Variants in CLSTN1 observed in about 807,000 individuals in gnomAD.
The protein encoded by CLSTN1 is calsyntenin-1.
In CLSTN1, 28 loss-of-function variants were observed where a neutral mutation model predicts 108.3. The ratio of observed to expected loss-of-function variants is 0.26; its 90% CI spans 0.19 to 0.35. The LOEUF is 0.35. CLSTN1 is among the 10% of genes least tolerant of loss of function. The probability of loss-of-function intolerance (pLI) is 1.00; values close to 1 mark genes in which losing one functional copy is unlikely to be tolerated. For synonymous variants in CLSTN1, 524 were observed against 534.9 expected (o/e 0.98, Z 0.28); for missense variants, 1,157 against 1,302.6 (o/e 0.89, Z 1.72).
At chr1:9,799,954 A>C (rs1282261592) in intron 1 of CLSTN1, among the ~76,000 whole-genome samples, 1 of 152,188 alleles carries the variant, frequency 6.6e-6, no homozygotes, top group Non-Finnish European at 1.5e-5. Flanking sequence ...ATAAACAAAC[A>C]AACAAAAAAC....
chr1:9,784,204 G>A lies in CLSTN1; in HGVS notation c.92-10810C>T, dbSNP rs146557267. On this transcript the variant is annotated intron_variant, in intron 1 of 18. Coordinates refer to ENST00000377298, the MANE Select transcript of CLSTN1 (RefSeq NM_001009566.3). ...AAAAAAAAAAAAAAATTAACCAAGC[G>A]TGGTGGCATGCACCTGTAACCCCAG... Among the ~76,000 whole-genome samples the A allele has an allele frequency of 5.2e-3, 788 of 151,282 alleles. 3 individuals carry two copies. The highest frequency in any genetic ancestry group is 0.017 in the African/African-American group (709 of 41,218).
chr1:9,731,172 C>T, intron 18 of CLSTN1, 34 bp downstream of exon 18: 1 of 1,613,432 alleles, frequency 6.2e-7, no homozygotes, highest in Non-Finnish European at 8.5e-7. Context: ...CCTGTGCTGC[C>T]TCTCAGTCCT....
chr1:9,768,844 G>T (rs1213845358), intron 2 of CLSTN1, among the ~76,000 whole-genome samples: 1 of 150,240 alleles, frequency 6.7e-6, no homozygotes, highest in Non-Finnish European at 1.5e-5. Flanking sequence ...GTGGCACCAC[G>T]GGGGTGGGGT....
At chr1:9,740,976 A>G in intron 10 of CLSTN1, 118 bp downstream of exon 10, 1 of 1,155,006 alleles carries the variant, frequency 8.7e-7, no homozygotes, top group East Asian at 2.4e-5. Flanking sequence ...AAATGGAAGG[A>G]AAAGATCCAG....
At chr1:9,741,387 A>G (rs921190043) in intron 9 of CLSTN1, 131 bp from the exon 10 acceptor site, 1 of 821,834 alleles carries the variant, frequency 1.2e-6, no homozygotes, top group Non-Finnish European at 1.9e-6. Context: ...TAACCACAAA[A>G]TATCTGCAAA....
intron 1 of CLSTN1, among the ~76,000 whole-genome samples, chr1:9,790,861 C>T (rs779213132): frequency 6.6e-6 from 1 of 150,946 alleles, no homozygotes; most frequent in African/African-American, 2.4e-5. Flanking sequence ...GGGCCGGGCG[C>T]GGCGGCTCAC....
At chr1:9,764,175 C>G (rs768411127) in intron 2 of CLSTN1, among the ~76,000 whole-genome samples, 10 of 151,876 alleles carry the variant, frequency 6.6e-5, no homozygotes, top group Non-Finnish European at 1.2e-4. Flanking sequence ...CAACCACAGG[C>G]TCTTTTTAGC....
At position 9,766,324 on chromosome 1, in the gene CLSTN1, A is replaced by G. The variant is rs1652330146; in HGVS notation, c.214+6948T>C. ...AAGGCCCCAACCCTGTGGCCCACACATGAGGCTCAAGCTGGTAACTCTCCA... is the reference window on the plus strand; with the variant it reads ...AAGGCCCCAACCCTGTGGCCCACACGTGAGGCTCAAGCTGGTAACTCTCCA... On this transcript the variant is annotated intron_variant, in intron 2 of 18. Coordinates refer to ENST00000377298, the MANE Select transcript of CLSTN1 (RefSeq NM_001009566.3). 2.0e-5 allele frequency among the ~76,000 whole-genome samples: 3 copies of G among 152,120 alleles called. No homozygotes were observed. The South Asian group carries it at 6.2e-4, about 32-fold the overall frequency.
chr1:9,797,997 G>A (rs1324021944), intron 1 of CLSTN1, among the ~76,000 whole-genome samples: 8 of 151,868 alleles, frequency 5.3e-5, no homozygotes, highest in Non-Finnish European at 1.2e-4. Context: ...GGGAGGCTGA[G>A]GCAGGAGAAT....
chr1:9,776,232 G>C (rs1652937770), intron 1 of CLSTN1, among the ~76,000 whole-genome samples: 1 of 152,030 alleles, frequency 6.6e-6, no homozygotes, highest in African/African-American at 2.4e-5. Flanking sequence ...CTCCCAAAGT[G>C]CTGGGATTAC....
rs947877714 is a variant in CLSTN1 at position 9,737,421 on chromosome 1, T to G, written c.1576+77A>C. 4 of 1,383,676 alleles carry G rather than the reference T, an allele frequency of 2.9e-6. No individual in the cohort carries two copies. In the African/African-American group the frequency reaches 4.3e-5, roughly 15 times the overall value. The allele number at this position is 1,383,676 out of a possible 1,614,324, so 85.7% of individuals were successfully genotyped here. On this transcript the variant is annotated intron_variant, in intron 11 of 18. Coordinates refer to ENST00000377298, the MANE Select transcript of CLSTN1 (RefSeq NM_001009566.3). ...AGGACCAAAATGCAACTGGGGCGTT[T>G]CATGCGACACGTGGAATGAATCAGT... is the stretch of plus-strand genomic sequence containing the variant.
chr1:9,807,567 G>A (rs1047293139), intron 1 of CLSTN1, among the ~76,000 whole-genome samples: 1 of 152,288 alleles, frequency 6.6e-6, no homozygotes, highest in South Asian at 2.1e-4. Context: ...TAAATTCTTT[G>A]ATGAAAAACA....
At chr1:9,822,298 G>C (rs1360227129) in intron 1 of CLSTN1, among the ~76,000 whole-genome samples, 2 of 152,158 alleles carry the variant, frequency 1.3e-5, no homozygotes, top group Non-Finnish European at 2.9e-5. Context: ...ATTTGACAGA[G>C]TCAACAGAAT....
chr1:9,801,505 C>A (rs1164599629), intron 1 of CLSTN1, among the ~76,000 whole-genome samples: 2 of 152,184 alleles, frequency 1.3e-5, no homozygotes, highest in African/African-American at 2.4e-5. Flanking sequence ...CAATTCTCTA[C>A]AGAAGCAAAG....
rs755278736 is a variant in CLSTN1, at chr1:9,749,526, G to T, written c.920C>A (p.Thr307Asn). 6.2e-7 allele frequency: 1 copy of T among 1,614,184 alleles called. No individual in the cohort carries two copies. The highest frequency in any genetic ancestry group is 8.5e-7 in the Non-Finnish European group (1 of 1,180,024). ...ASVQATVELE[T>N]SHIGKGCDRD... ...GTCGCAGCCTTTCCCTATGTGGCTGGTTTCTAGCTCCACTGTGGCCTGTAC... is the reference window on the plus strand; with the variant it reads ...GTCGCAGCCTTTCCCTATGTGGCTGTTTTCTAGCTCCACTGTGGCCTGTAC... The change falls in exon 7 of 19, where the codon ACC becomes AAC. Residue 307 changes from threonine (T) to asparagine (N), a missense_variant. Thr to Asn is a moderately conservative substitution (Grantham distance 65, BLOSUM62 0). Transcript: ENST00000377298.
At chr1:9,748,362 G>C (rs1651383471) in intron 7 of CLSTN1, among the ~76,000 whole-genome samples, 1 of 152,112 alleles carries the variant, frequency 6.6e-6, no homozygotes. Context: ...CAGTAATTCT[G>C]TCTCTCAATT....
chr1:9,744,751 G>T, intron 7 of CLSTN1, 108 bp from the exon 8 acceptor site: 1 of 1,313,866 alleles, frequency 7.6e-7, no homozygotes, highest in Non-Finnish European at 1.0e-6. Flanking sequence ...GCTGGCTCCA[G>T]TTTACTTTTT....
chr1:9,760,428 A>T (rs1024159294), intron 2 of CLSTN1, among the ~76,000 whole-genome samples: 1 of 152,102 alleles, frequency 6.6e-6, no homozygotes, highest in Admixed American at 6.6e-5. Flanking sequence ...CAGTACGCCT[A>T]CCTCAAGGGG....
intron 1 of CLSTN1, among the ~76,000 whole-genome samples, chr1:9,791,151 A>C (rs1327422617): frequency 6.6e-6 from 1 of 150,922 alleles, no homozygotes; most frequent in African/African-American, 2.4e-5. Context: ...CAAAAAAAAA[A>C]AAAAAAAAAA....
Sources: allele counts gnomAD v4.1 joint callset (sites outside exome capture counted in the v4.1 genomes callset), GRCh38; gene constraint gnomAD v4.1.1; transcripts MANE v1.5; gene names NCBI Gene and HGNC (gene_info 2026-07-23, HGNC 2026-07-21).